Variants in PCDHGB1 observed in about 807,000 individuals in gnomAD.
PCDHGB1 encodes protocadherin gamma subfamily B, 1.
PCDHGB1 carries 34 observed loss-of-function variants against 56.6 expected under a neutral mutation model. That is an observed-to-expected ratio of 0.60 (90% CI 0.46 to 0.80). The LOEUF is 0.80. Ranked by LOEUF, PCDHGB1 falls within the 30% of genes least tolerant of loss-of-function variation. The pLI, the probability that PCDHGB1 is intolerant of heterozygous loss-of-function variation, is 0.00. For missense variants in PCDHGB1, 1,278 were observed against 1,204.6 expected, an observed-to-expected ratio of 1.06 and a Z score of -0.90; for synonymous variants, 561 against 505.9, an observed-to-expected ratio of 1.11 and a Z score of -1.46.
chr5:141,394,080 A>G (rs766939528), intron 1 of PCDHGB1: 2 of 1,613,920 alleles, frequency 1.2e-6, no homozygotes, highest in Non-Finnish European at 1.7e-6. Flanking sequence ...TATCACAGTG[A>G]TGGCCTCAGA....
chr5:141,501,288 T>TACAC (rs1562199973), intron 2 of PCDHGB1, among the ~76,000 whole-genome samples: 2 of 81,228 alleles, frequency 2.5e-5, no homozygotes, highest in Admixed American at 1.6e-4. Flanking sequence ...GATATTCCCT[T>TACAC]ATACACACAC....
chr5:141,474,321 A>G (rs75620387), intron 1 of PCDHGB1, among the ~76,000 whole-genome samples: 2,046 of 152,326 alleles, frequency 0.013, 15 homozygotes, highest in Middle Eastern at 0.034. Context: ...GTGTTTTCAA[A>G]TCACCCTGAT....
At position 141,432,412 on chromosome 5, in the gene PCDHGB1, C is replaced by G. The variant is rs773688197; in HGVS notation, c.2410-62395C>G. 1.9e-6 allele frequency: 3 copies of G among 1,614,246 alleles called. No individual in the cohort carries two copies. The highest frequency in any genetic ancestry group is 2.2e-5 in the East Asian group (1 of 44,882). ...GCAGCAACGTGTCGTTGAGCCTGTT[C>G]GTGCTGGACCAGAACGACAATGCGC... On this transcript the variant is annotated intron_variant, in intron 1 of 3. Transcript: ENST00000523390. This position sits in a 1 kb window ranked among gnomAD's most constrained non-coding sequence, Gnocchi z 6.0.
At position 141,432,942 on chromosome 5, in the gene PCDHGB1, C is replaced by G. The variant is rs1346694514; in HGVS notation, c.2410-61865C>G. ...CACAAGTCACGCCTGCTGCAGGCTT[C>G]AGGAGGCGGCTTGACAGGAGCGCCG... On this transcript the variant is annotated intron_variant, in intron 1 of 3. Coordinates refer to ENST00000523390, the MANE Select transcript of PCDHGB1 (RefSeq NM_018922.3). The surrounding 1 kb of genome is among the most constrained non-coding windows in gnomAD (Gnocchi z 6.0). The G allele has an allele frequency of 1.2e-6, 2 of 1,614,190 alleles. No individual in the cohort carries two copies. Among genetic ancestry groups the G allele is most frequent in the Non-Finnish European group, 1.7e-6 (2 of 1,180,036 alleles).
At chr5:141,382,819 G>A in intron 1 of PCDHGB1, 2 of 1,297,966 alleles carry the variant, frequency 1.5e-6, no homozygotes, top group Non-Finnish European at 2.1e-6. Context: ...CCCTTCCTAA[G>A]ACAGAGGGGT....
rs559544645 is a variant in PCDHGB1, at chr5:141,405,144, G to C, written c.2409+52475G>C. ...CATCTGCTGCGGGCTACCAGTGATGGGTTGGCTGGTGTGCCCACCTCACAC... is the reference window on the plus strand; with the variant it reads ...CATCTGCTGCGGGCTACCAGTGATGCGTTGGCTGGTGTGCCCACCTCACAC... On this transcript the variant is annotated intron_variant, in intron 1 of 3. Coordinates refer to ENST00000523390, the MANE Select transcript of PCDHGB1 (RefSeq NM_018922.3). 1.1e-4 allele frequency: 184 copies of C among 1,614,070 alleles called. 1 individual carries two copies. The South Asian group carries it at 1.9e-3, about 17-fold the overall frequency.
chr5:141,390,170 T>C lies in PCDHGB1; in HGVS notation c.2409+37501T>C, dbSNP rs773539625. 5 of 1,613,940 alleles carry C rather than the reference T, an allele frequency of 3.1e-6. No individual in the cohort carries two copies. In the African/African-American group the frequency reaches 6.7e-5, roughly 22 times the overall value. ...TTGCACATACAGGAAAGACGGAGTTTAATTTCCTAAAATGTAGTGAGCAGT... is the reference window on the plus strand; with the variant it reads ...TTGCACATACAGGAAAGACGGAGTTCAATTTCCTAAAATGTAGTGAGCAGT... On this transcript the variant is annotated intron_variant, in intron 1 of 3. Transcript: ENST00000523390.
intron 1 of PCDHGB1, chr5:141,374,293 T>C (rs369929839): frequency 1.2e-6 from 2 of 1,613,788 alleles, no homozygotes; most frequent in African/African-American, 1.3e-5. Context: ...TCTCCAGAGG[T>C]AGGATGCAGC....
intron 1 of PCDHGB1, among the ~76,000 whole-genome samples, chr5:141,381,126 A>G (rs772022914): frequency 2.6e-5 from 4 of 152,232 alleles, no homozygotes; most frequent in Non-Finnish European, 5.9e-5. Context: ...TGTATTCTGG[A>G]GCAATGCCAC....
In PCDHGB1 at chr5:141,486,600, C is replaced by G. The variant is rs748395954; in HGVS notation, c.2410-8207C>G. Reference sequence around the variant, plus strand: ...AATCGCCCAGGGGACCTGCTTTGCTCCCTTGCAGCCTCTGACCCAGACTCT... The same window carrying G: ...AATCGCCCAGGGGACCTGCTTTGCTGCCTTGCAGCCTCTGACCCAGACTCT... On this transcript the variant is annotated intron_variant, in intron 1 of 3. Transcript: ENST00000523390. This position sits in a 1 kb window ranked among gnomAD's most constrained non-coding sequence, Gnocchi z 5.0. 21 of 1,613,602 alleles carry G rather than the reference C, an allele frequency of 1.3e-5. No individual in the cohort carries two copies. Among genetic ancestry groups the G allele is most frequent in the South Asian group, 2.2e-5 (2 of 91,086 alleles).
intron 1 of PCDHGB1, chr5:141,398,187 C>G (rs1329117309): frequency 5.8e-5 from 86 of 1,481,250 alleles, no homozygotes; most frequent in Non-Finnish European, 7.6e-5. Context: ...TCTTTCTCTT[C>G]CTGCTGTCTT....
intron 1 of PCDHGB1, chr5:141,398,793 A>G (rs376843278): frequency 2.5e-5 from 41 of 1,613,830 alleles, no homozygotes; most frequent in South Asian, 1.1e-5. Flanking sequence ...ATCCACCCCT[A>G]AGCGGCACCA....
At chr5:141,422,849 C>T in intron 1 of PCDHGB1, 1 of 1,614,238 alleles carries the variant, frequency 6.2e-7, no homozygotes, top group Non-Finnish European at 8.5e-7. Context: ...AGCGGGGACC[C>T]GCCCCTCAGC....
chr5:141,419,275 G>A, intron 1 of PCDHGB1: 26 of 1,613,974 alleles, frequency 1.6e-5, no homozygotes, highest in Non-Finnish European at 2.2e-5. Flanking sequence ...CCTCCATAGC[G>A]CAAGTCAGTG....
At chr5:141,398,177 T>C (rs2093620975) in intron 1 of PCDHGB1, 11 of 1,473,994 alleles carry the variant, frequency 7.5e-6, no homozygotes, top group African/African-American at 2.9e-5. Context: ...CTGCCAGTGC[T>C]CTTTCTCTTC....
At chr5:141,413,550 A>C (rs2095653911) in intron 1 of PCDHGB1, 1 of 1,613,974 alleles carries the variant, frequency 6.2e-7, no homozygotes, top group Non-Finnish European at 8.5e-7. Context: ...GGATAGAAAT[A>C]GAAGTAACTG....
chr5:141,413,914 A>G (rs776089620), intron 1 of PCDHGB1: 13 of 1,613,234 alleles, frequency 8.1e-6, no homozygotes. Flanking sequence ...GCCGGTCTTC[A>G]CCTTGCCAGA....
intron 1 of PCDHGB1, chr5:141,408,907 C>T: frequency 6.2e-7 from 1 of 1,613,244 alleles, no homozygotes; most frequent in East Asian, 2.2e-5. Context: ...TCAAGGATAC[C>T]AATGATAACC....
chr5:141,354,881 A>G (rs909199099), intron 1 of PCDHGB1: 9 of 374,772 alleles, frequency 2.4e-5, no homozygotes, highest in African/African-American at 1.9e-4. Context: ...ATTTGACTTT[A>G]TTATCTTGGG....
Sources: allele counts gnomAD v4.1 joint callset (sites outside exome capture counted in the v4.1 genomes callset), GRCh38; gene constraint gnomAD v4.1.1; non-coding constraint Gnocchi (gnomAD v3.1); transcripts MANE v1.5; gene names NCBI Gene and HGNC (gene_info 2026-07-23, HGNC 2026-07-21).